Variants in HHIPL1 observed in about 807,000 individuals in gnomAD.
HHIPL1 encodes HHIP like 1.
Under a neutral mutation model 61.8 loss-of-function variants are expected in HHIPL1, and 43 were observed. The ratio of observed to expected loss-of-function variants is 0.70; its 90% CI spans 0.55 to 0.90. The LOEUF (loss-of-function observed/expected upper bound fraction) is 0.90, where lower values mean the gene tolerates loss of function less well. HHIPL1 is among the 40% of genes least tolerant of loss of function. The pLI is 0.00. For missense variants in HHIPL1, 1,056 were observed against 1,157.7 expected, an observed-to-expected ratio of 0.91 and a Z score of 1.28; for synonymous variants, 482 against 515.8, an observed-to-expected ratio of 0.93 and a Z score of 0.89.
chr14:99,647,252 G>A lies in HHIPL1; in HGVS notation c.255+1790G>A, dbSNP rs535126130. Among the ~76,000 whole-genome samples the A allele has an allele frequency of 5.1e-3, 774 of 152,292 alleles. 9 individuals carry two copies. The highest frequency in any genetic ancestry group is 0.017 in the African/African-American group (714 of 41,554). The stretch of plus-strand genomic sequence containing the variant: ...GGCCACCTTTAGGTGGGCTCTGCTG[G>A]ACTCCCATGCTGTACACCTCAAGGG... On this transcript the variant is annotated intron_variant, in intron 1 of 8. Coordinates refer to ENST00000330710, the MANE Select transcript of HHIPL1 (RefSeq NM_001127258.3).
chr14:99,672,505 C>A (rs1406768957), intron 8 of HHIPL1, 106 bp downstream of exon 8: 21 of 852,714 alleles, frequency 2.5e-5, no homozygotes, highest in Non-Finnish European at 3.5e-5. Context: ...ACCTAGATGC[C>A]CCTCTTCAGC....
the HHIPL1 span, among the ~76,000 whole-genome samples, chr14:99,626,252 G>A: frequency 6.6e-6 from 1 of 151,914 alleles, no homozygotes; most frequent in Non-Finnish European, 1.5e-5. Context: ...ATACAGGTGT[G>A]TGTGGGTGTA....
chr14:99,621,099 T>C, the HHIPL1 span, among the ~76,000 whole-genome samples: 1 of 152,196 alleles, frequency 6.6e-6, no homozygotes, highest in Non-Finnish European at 1.5e-5. Context: ...CTCTTTATGT[T>C]ATGCCCACTT....
intron 1 of HHIPL1, among the ~76,000 whole-genome samples, chr14:99,645,795 C>T (rs935463058): frequency 1.3e-5 from 2 of 152,218 alleles, no homozygotes; most frequent in Non-Finnish European, 2.9e-5. Context: ...GACCCCTCAG[C>T]GTCCCACCCC....
At chr14:99,608,413 AG>A in the HHIPL1 span, among the ~76,000 whole-genome samples, 4 of 152,362 alleles carry the variant, frequency 2.6e-5, no homozygotes, top group Admixed American at 2.0e-4. Flanking sequence ...AGGTGTCATT[AG>A]CCCTTCGAGG....
chr14:99,673,904 AG>A (rs2056356758), intron 8 of HHIPL1, among the ~76,000 whole-genome samples: 1 of 55,548 alleles, frequency 1.8e-5, no homozygotes, highest in Non-Finnish European at 3.4e-5. Flanking sequence ...GAGTGCACTG[AG>A]GGGGGCTGGC....
In HHIPL1 at chr14:99,659,845, C is replaced by CCG. The variant is rs2056118197; in HGVS notation, c.1375+89_1375+90insCG. On this transcript the variant is annotated intron_variant, in intron 4 of 8. Coordinates refer to ENST00000330710, the MANE Select transcript of HHIPL1 (RefSeq NM_001127258.3). ...GCCGCAGGGCCTCCCTCGGAGACCG[C>CCG]ACCCCCCCCCCCCCGGAGATCCCTG... 1.6e-5 allele frequency: 5 copies of CCG among 315,530 alleles called. No homozygotes were observed. The East Asian group carries it at 4.1e-4, about 26-fold the overall frequency. The allele number at this position is 315,530 out of a possible 1,614,324, so 19.5% of individuals were successfully genotyped here. A position where few individuals can be genotyped will look rare whatever the true frequency, so the allele number is the denominator to read the frequency against.
At chr14:99,637,794 C>T in the HHIPL1 span, among the ~76,000 whole-genome samples, 122 of 152,204 alleles carry the variant, frequency 8.0e-4, no homozygotes, top group Middle Eastern at 3.4e-3. Flanking sequence ...ACATACTACA[C>T]GCCAGGCACT....
chr14:99,657,193 C>T (rs974977452), intron 3 of HHIPL1, 50 bp downstream of exon 3: 16 of 1,588,220 alleles, frequency 1.0e-5, no homozygotes, highest in Non-Finnish European at 1.4e-5. Flanking sequence ...TATCCCTGGG[C>T]TTCTCATACT....
Position 99,679,359 on chromosome 14 carries a change from C to T in HHIPL1, c.*3733C>T, listed in dbSNP as rs2056418744. 1 of 152,466 alleles carries T rather than the reference C, an allele frequency of 6.6e-6. No individual in the cohort carries two copies. The highest frequency in any genetic ancestry group is 2.1e-4 in the South Asian group (1 of 4,836). The allele number at this position is 152,466 out of a possible 1,614,324, so 9.4% of individuals were successfully genotyped here. A position where few individuals can be genotyped will look rare whatever the true frequency, so the allele number is the denominator to read the frequency against. On this transcript the variant is annotated 3_prime_UTR_variant, in exon 9 of 9. Coordinates refer to ENST00000330710, the MANE Select transcript of HHIPL1 (RefSeq NM_001127258.3). Reference sequence around the variant, plus strand: ...GGGCCTCTGAGGATGGGGGCACAGCCTTCACCCTCACCCCCTCTAATCCAA... The same window carrying T: ...GGGCCTCTGAGGATGGGGGCACAGCTTTCACCCTCACCCCCTCTAATCCAA...
intron 8 of HHIPL1, among the ~76,000 whole-genome samples, chr14:99,672,620 AAGAG>A (rs1390328660): frequency 6.6e-6 from 1 of 152,224 alleles, no homozygotes; most frequent in Non-Finnish European, 1.5e-5. Context: ...TCCTTAAACC[AAGAG>A]AGAAATAGCT....
rs1566810132 is a variant in HHIPL1, at chr14:99,656,878, AGGAAGGAAGGAAGGAAG to A, written c.903-120_903-104del. On this transcript the variant is annotated intron_variant, in intron 2 of 8. Transcript: ENST00000330710. ...AAGGAAGGAAGGAAGGAAGGAAGGA[AGGAAGGAAGGAAGGAAG>A]GTCTTTTCCATTGTGAAATGACATC... is the stretch of plus-strand genomic sequence containing the variant. The A allele has an allele frequency of 3.3e-3, 457 of 140,360 alleles. 112 individuals are homozygous for A. The highest frequency in any genetic ancestry group is 9.7e-3 in the African/African-American group (89 of 9,206). The allele number at this position is 140,360 out of a possible 1,614,324, so 8.7% of individuals were successfully genotyped here.
chr14:99,637,216 GAAAGAAAGAAAGA>G, the HHIPL1 span, among the ~76,000 whole-genome samples: 1 of 121,632 alleles, frequency 8.2e-6, no homozygotes, highest in African/African-American at 3.4e-5. Context: ...AAGAAAGAAA[GAAAGAAAGAAAGA>G]AAGAAAGAAA....
At chr14:99,663,859 G>T (rs2056196646) in intron 6 of HHIPL1, among the ~76,000 whole-genome samples, 1 of 152,206 alleles carries the variant, frequency 6.6e-6, no homozygotes, top group South Asian at 2.1e-4. Context: ...TAGCCGGCCA[G>T]GAAGGATCTG....
chr14:99,608,187 G>A, the HHIPL1 span, among the ~76,000 whole-genome samples: 1 of 152,212 alleles, frequency 6.6e-6, no homozygotes, highest in East Asian at 1.9e-4. Flanking sequence ...CAGCAGGGTG[G>A]GGAAAGTCGG....
rs1055118949 is a variant in HHIPL1, at chr14:99,660,344, G to A, written c.1440G>A (p.Val480=). 1 of 1,614,108 alleles carries A rather than the reference G, an allele frequency of 6.2e-7. No individual in the cohort carries two copies. The highest frequency in any genetic ancestry group is 8.5e-7 in the Non-Finnish European group (1 of 1,179,998). Residue 480 remains valine (V), a synonymous_variant, in exon 5 of 9, where the codon GTG becomes GTA. Coordinates refer to ENST00000330710, the MANE Select transcript of HHIPL1 (RefSeq NM_001127258.3). This position sits in a 1 kb window ranked among gnomAD's most constrained non-coding sequence, Gnocchi z 4.9. ...GCAAGTCGGTCACAGGGGGCTACGTGTACCGGGGCTGCGAGTACCCCAACC... is the reference window on the plus strand; with the variant it reads ...GCAAGTCGGTCACAGGGGGCTACGTATACCGGGGCTGCGAGTACCCCAACC... The part of the protein sequence containing the change: ...TVGKSVTGGY[V]YRGCEYPNLN...
At chr14:99,649,211 G>T (rs1172262926) in intron 1 of HHIPL1, among the ~76,000 whole-genome samples, 2 of 152,182 alleles carry the variant, frequency 1.3e-5, no homozygotes, top group East Asian at 1.9e-4. Flanking sequence ...CGAGGTCTTC[G>T]GCCTGGCTCC....
At chr14:99,646,020 G>A (rs2055827904) in intron 1 of HHIPL1, among the ~76,000 whole-genome samples, 1 of 152,266 alleles carries the variant, frequency 6.6e-6, no homozygotes, top group African/African-American at 2.4e-5. Flanking sequence ...CCACCTCTGT[G>A]GGTGCTGTGC....
At chr14:99,672,250 A>T in intron 7 of HHIPL1, 67 bp from the exon 8 acceptor site, 2 of 1,277,870 alleles carry the variant, frequency 1.6e-6, no homozygotes, top group Non-Finnish European at 2.2e-6. Flanking sequence ...GCCTCACTGT[A>T]GAGAAAAGGC....
Sources: allele counts gnomAD v4.1 joint callset (sites outside exome capture counted in the v4.1 genomes callset), GRCh38; gene constraint gnomAD v4.1.1; non-coding constraint Gnocchi (gnomAD v3.1); transcripts MANE v1.5; gene names NCBI Gene and HGNC (gene_info 2026-07-23, HGNC 2026-07-21).